The following PLEKHG1 variants were observed in gnomAD, a reference collection of about 807,000 sequenced individuals.
PLEKHG1 encodes pleckstrin homology domain-containing family G member 1.
A neutral mutation model predicts 100.8 loss-of-function variants in PLEKHG1; 44 were observed. The ratio of observed to expected loss-of-function variants is 0.44; its 90% CI spans 0.34 to 0.56. The LOEUF is 0.56. PLEKHG1 is among the 20% of genes least tolerant of loss of function. PLEKHG1 has a pLI of 0.01. For missense variants in PLEKHG1, 1,545 were observed against 1,720.9 expected, an observed-to-expected ratio of 0.90 and a Z score of 1.81; for synonymous variants, 640 against 662.5, an observed-to-expected ratio of 0.97 and a Z score of 0.52.
At chr6:150,818,846 C>A (rs1280537915) in intron 11 of PLEKHG1, among the ~76,000 whole-genome samples, 1 of 152,226 alleles carries the variant, frequency 6.6e-6, no homozygotes, top group Non-Finnish European at 1.5e-5. Flanking sequence ...ACTGAAAACA[C>A]TTCTACTTTA....
At chr6:150,660,332 A>G (rs568808979) in intron 3 of PLEKHG1, among the ~76,000 whole-genome samples, 4 of 152,354 alleles carry the variant, frequency 2.6e-5, no homozygotes, top group Non-Finnish European at 4.4e-5. Context: ...ACATGGCTGT[A>G]TATAGAAACA....
At chr6:150,603,346 C>G (rs1008666467) in intron 1 of PLEKHG1, among the ~76,000 whole-genome samples, 1 of 152,142 alleles carries the variant, frequency 6.6e-6, no homozygotes, top group African/African-American at 2.4e-5. Flanking sequence ...CATTCAGAGT[C>G]ACGGGCAGTC....
intron 1 of PLEKHG1, among the ~76,000 whole-genome samples, chr6:150,725,147 G>A (rs1462226973): frequency 6.6e-6 from 1 of 152,164 alleles, no homozygotes; most frequent in Non-Finnish European, 1.5e-5. Flanking sequence ...TGTCTGGTGA[G>A]GGCCTGTTCC....
intron 3 of PLEKHG1, among the ~76,000 whole-genome samples, chr6:150,662,017 TGAGG>T (rs1271602806): frequency 1.3e-5 from 2 of 152,050 alleles, no homozygotes; most frequent in Non-Finnish European, 2.9e-5. Flanking sequence ...AATGAGGGCC[TGAGG>T]GAGGGGAGGG....
chr6:150,717,869 A>T (rs903653795), upstream of PLEKHG1, among the ~76,000 whole-genome samples: 1 of 152,158 alleles, frequency 6.6e-6, no homozygotes, highest in Admixed American at 6.5e-5. Context: ...TGAGATCAGG[A>T]GTTGGAGACC....
chr6:150,643,643 T>C (rs1286999047), intron 2 of PLEKHG1, among the ~76,000 whole-genome samples: 10 of 152,210 alleles, frequency 6.6e-5, no homozygotes, highest in Admixed American at 4.6e-4. Flanking sequence ...AAAAACTGCT[T>C]GATGTATGTA....
exon 16 of PLEKHG1, chr6:150,840,273 C>G (rs796931112): frequency 1.2e-5 from 20 of 1,614,184 alleles, no homozygotes; most frequent in Non-Finnish European, 1.6e-5. Context: ...TCAGCCTTAT[C>G]ACAGGTCCCA....
intron 2 of PLEKHG1, among the ~76,000 whole-genome samples, chr6:150,764,907 A>ATT (rs765515108): frequency 0.36 from 55,031 of 151,572 alleles, 12,223 homozygotes; most frequent in African/African-American, 0.61. Context: ...TGGCTCTTCA[A>ATT]CTATACCGGG....
At chr6:150,790,928 C>T (rs961041230) in intron 4 of PLEKHG1, among the ~76,000 whole-genome samples, 8 of 152,068 alleles carry the variant, frequency 5.3e-5, no homozygotes, top group Admixed American at 5.2e-4. Flanking sequence ...GAGGCTGAGG[C>T]GGGAGAATCA....
rs756195412 is a variant in PLEKHG1, at chr6:150,831,738, G to A, written c.2627G>A (p.Ser876Asn). 4 of 1,613,540 alleles carry A rather than the reference G, an allele frequency of 2.5e-6. No individual in the cohort carries two copies. Among genetic ancestry groups the A allele is most frequent in the Non-Finnish European group, 3.4e-6 (4 of 1,180,030 alleles). Reference sequence around the variant, plus strand: ...GTGCCAGACAGGCTGCACGCAGAGAGCACCCCTGAGCTGAGCCGGGACGTG... The same window carrying A: ...GTGCCAGACAGGCTGCACGCAGAGAACACCCCTGAGCTGAGCCGGGACGTG... The change falls in exon 15 of 16, where the codon AGC becomes AAC. Residue 876 changes from serine to asparagine, a missense_variant. Transcript: ENST00000358517. The surrounding 1 kb of genome is among the most constrained non-coding windows in gnomAD (Gnocchi z 4.1).
At position 150,831,141 on chromosome 6, in the gene PLEKHG1, A is replaced by G. The variant is rs894112724; in HGVS notation, c.2030A>G (p.Glu677Gly). The G allele has an allele frequency of 2.5e-6, 4 of 1,613,840 alleles. No individual in the cohort carries two copies. In the African/African-American group the frequency reaches 5.3e-5, roughly 22 times the overall value. Reference sequence around the variant, plus strand: ...TTAAAACTAATGGTTGCTAAGCGGGAAGAAGCTGAATCCACTCCCTCTAAA... The same window carrying G: ...TTAAAACTAATGGTTGCTAAGCGGGGAGAAGCTGAATCCACTCCCTCTAAA... Residue 677 changes from glutamate to glycine, a missense_variant, in exon 15 of 16, where the codon GAA becomes GGA. Transcript: ENST00000358517. The surrounding 1 kb of genome is among the most constrained non-coding windows in gnomAD (Gnocchi z 4.1).
chr6:150,650,075 AAAG>A (rs1208388421), intron 2 of PLEKHG1, among the ~76,000 whole-genome samples: 3 of 143,948 alleles, frequency 2.1e-5, no homozygotes, highest in Non-Finnish European at 4.6e-5. Context: ...AAAAAAAAAG[AAAG>A]AAAAAAAAAA....
chr6:150,725,294 C>T (rs76256296), intron 1 of PLEKHG1, among the ~76,000 whole-genome samples: 3 of 152,150 alleles, frequency 2.0e-5, no homozygotes, highest in South Asian at 2.1e-4. Flanking sequence ...AACAGCCCCC[C>T]CTCCTAATAC....
intron 2 of PLEKHG1, among the ~76,000 whole-genome samples, chr6:150,744,933 C>T (rs1030316716): frequency 1.3e-5 from 2 of 152,156 alleles, no homozygotes; most frequent in Non-Finnish European, 2.9e-5. Context: ...ATTGTTTTTA[C>T]TCCCATATCA....
intron 1 of PLEKHG1, among the ~76,000 whole-genome samples, chr6:150,631,622 G>C (rs1005798026): frequency 6.6e-6 from 1 of 152,236 alleles, no homozygotes. Flanking sequence ...AGTAAGACTT[G>C]TAGGAAAATA....
chr6:150,649,358 A>G (rs1778622913), intron 2 of PLEKHG1, among the ~76,000 whole-genome samples: 1 of 152,204 alleles, frequency 6.6e-6, no homozygotes, highest in Non-Finnish European at 1.5e-5. Flanking sequence ...TTTTATAATA[A>G]TAATAATTAG....
chr6:150,702,003 C>G (rs534226881), intron 3 of PLEKHG1, among the ~76,000 whole-genome samples: 1 of 152,196 alleles, frequency 6.6e-6, no homozygotes, highest in Admixed American at 6.5e-5. Context: ...TATGATCATA[C>G]AGTAAGTCAC....
At chr6:150,644,341 T>G (rs1451187450) in intron 2 of PLEKHG1, among the ~76,000 whole-genome samples, 1 of 145,428 alleles carries the variant, frequency 6.9e-6, no homozygotes, top group Non-Finnish European at 1.5e-5. Flanking sequence ...CGTGTTTTTT[T>G]TTTTTTTTTT....
At chr6:150,687,700 C>G (rs1309767121) in intron 3 of PLEKHG1, among the ~76,000 whole-genome samples, 1 of 152,186 alleles carries the variant, frequency 6.6e-6, no homozygotes, top group East Asian at 1.9e-4. Context: ...GCATAGAAGT[C>G]ATAGACTCCC....
Sources: allele counts gnomAD v4.1 joint callset (sites outside exome capture counted in the v4.1 genomes callset), GRCh38; gene constraint gnomAD v4.1.1; non-coding constraint Gnocchi (gnomAD v3.1); transcripts MANE v1.5; gene names NCBI Gene and HGNC (gene_info 2026-07-23, HGNC 2026-07-21).